CACNA1D: variants seen among roughly 807,000 people sequenced by gnomAD.
The protein encoded by CACNA1D is voltage-dependent L-type calcium channel subunit alpha-1D.
Under a neutral mutation model 257.1 loss-of-function variants are expected in CACNA1D, and 55 were observed. That is an observed-to-expected ratio of 0.21 (90% CI 0.17 to 0.27). The LOEUF (loss-of-function observed/expected upper bound fraction) is 0.27. CACNA1D is among the 10% of genes least tolerant of loss of function. CACNA1D has a pLI of 1.00. For synonymous variants in CACNA1D, 980 were observed against 1,014.9 expected, an observed-to-expected ratio of 0.97 and a Z score of 0.65; for missense variants, 1,876 against 2,784.0, an observed-to-expected ratio of 0.67 and a Z score of 7.34.
chr3:53,769,706 G>A (rs1157341159), intron 30 of CACNA1D, among the ~76,000 whole-genome samples: 2 of 152,220 alleles, frequency 1.3e-5, no homozygotes, highest in African/African-American at 4.8e-5. Flanking sequence ...AGGTCTTGCA[G>A]CACTGCCTTT....
At position 53,729,505 on chromosome 3, in the gene CACNA1D, C is replaced by T. The variant is rs1002676048; in HGVS notation, c.2222-937C>T. Among the ~76,000 whole-genome samples, 6 of 152,298 alleles carry T rather than the reference C, an allele frequency of 3.9e-5. No homozygotes were observed. In the East Asian group the frequency reaches 1.2e-3, roughly 29 times the overall value. On this transcript the variant is annotated intron_variant, in intron 15 of 47. Transcript: ENST00000350061. ...AGCATTTGTCACAGAAGGGGGCCTT[C>T]TCACTTATTGCCCTCTCATCCCTGT...
chr3:53,622,717 G>A (rs2093710326), intron 3 of CACNA1D, among the ~76,000 whole-genome samples: 1 of 152,028 alleles, frequency 6.6e-6, no homozygotes, highest in Admixed American at 6.6e-5. Flanking sequence ...AAGTTTACCT[G>A]TAACAAATCT....
intron 8 of CACNA1D, among the ~76,000 whole-genome samples, chr3:53,688,770 C>T (rs1334875585): frequency 2.6e-5 from 4 of 152,164 alleles, no homozygotes; most frequent in African/African-American, 9.7e-5. Context: ...ACAGTGAACC[C>T]ATCATTCCTT....
At chr3:53,795,516 G>T (rs1461492159) in intron 40 of CACNA1D, among the ~76,000 whole-genome samples, 1 of 152,182 alleles carries the variant, frequency 6.6e-6, no homozygotes, top group African/African-American at 2.4e-5. Flanking sequence ...ACTCATTTGG[G>T]CACATAATTT....
intron 9 of CACNA1D, chr3:53,710,291 G>A (rs1576424238): frequency 1.2e-5 from 5 of 425,378 alleles, no homozygotes; most frequent in South Asian, 5.0e-5. Flanking sequence ...CGTCCATTGC[G>A]TGAGGCAACC....
At position 53,745,746 on chromosome 3, in the gene CACNA1D, T is replaced by A. The variant is rs2095162175; in HGVS notation, c.3114+15T>A. 1 of 1,603,782 alleles carries A rather than the reference T, an allele frequency of 6.2e-7. No homozygotes were observed. Among genetic ancestry groups the A allele is most frequent in the African/African-American group, 1.3e-5 (1 of 74,714 alleles). On this transcript the variant is annotated intron_variant, in intron 24 of 47. Transcript: ENST00000350061. ...AGTTGTTCAAGGTAGAGGAACTGCC[T>A]CCAAGCATAAAACTCAGGTGGATTT...
chr3:53,722,551 T>C lies in CACNA1D; in HGVS notation c.1666+77T>C, dbSNP rs941230806. The C allele has an allele frequency of 4.4e-5, 61 of 1,391,730 alleles. No individual in the cohort carries two copies. In the African/African-American group the frequency reaches 8.1e-4, roughly 18 times the overall value. 86.2% of individuals were successfully genotyped at this position (1,391,730 alleles called of 1,614,324 possible). ...TGTCCAACTGCCATTTGGTCTTATC[T>C]GATCGCTGCATGATGAAGTATCGCA... On this transcript the variant is annotated intron_variant, in intron 12 of 47. Transcript: ENST00000350061.
Position 53,811,235 on chromosome 3 carries a change from C to T in CACNA1D, c.6315C>T (p.Thr2105=), listed in dbSNP as rs780883591. 2 of 1,614,068 alleles carry T rather than the reference C, an allele frequency of 1.2e-6. No homozygotes were observed. Among genetic ancestry groups the T allele is most frequent in the Admixed American group, 1.7e-5 (1 of 60,016 alleles). Residue 2105 remains threonine (T), a synonymous_variant, in exon 48 of 48, where the codon ACC becomes ACT. Transcript: ENST00000350061. This position sits in a 1 kb window ranked among gnomAD's most constrained non-coding sequence, Gnocchi z 4.2. ...TIDEMESAAS[T]LLNGNVRPRA... ...ACGAGATGGAGAGTGCAGCCAGCACCCTGCTTAATGGGAACGTGCGTCCCC... is the reference window on the plus strand; with the variant it reads ...ACGAGATGGAGAGTGCAGCCAGCACTCTGCTTAATGGGAACGTGCGTCCCC...
chr3:53,588,873 G>A (rs1016394836), intron 3 of CACNA1D, among the ~76,000 whole-genome samples: 3 of 152,138 alleles, frequency 2.0e-5, no homozygotes, highest in African/African-American at 7.2e-5. Flanking sequence ...AAAAGTAACT[G>A]TCTTCTCAAG....
rs2090315059 is a variant in CACNA1D at position 53,495,737 on chromosome 3, G to T, written c.67+504G>T. On this transcript the variant is annotated intron_variant, in intron 1 of 47. Coordinates refer to ENST00000350061, the MANE Select transcript of CACNA1D (RefSeq NM_001128840.3). This position sits in a 1 kb window ranked among gnomAD's most constrained non-coding sequence, Gnocchi z 5.1. ...GTGAAGCACACCCATCCCCTCGCGGGGGAGGCCCGGCCTCGGTATCGGGGA... is the reference window on the plus strand; with the variant it reads ...GTGAAGCACACCCATCCCCTCGCGGTGGAGGCCCGGCCTCGGTATCGGGGA... Among the ~76,000 whole-genome samples, 1 of 152,252 alleles carries T rather than the reference G, an allele frequency of 6.6e-6. No individual in the cohort carries two copies. Among genetic ancestry groups the T allele is most frequent in the Admixed American group, 6.5e-5 (1 of 15,294 alleles).
intron 9 of CACNA1D, among the ~76,000 whole-genome samples, chr3:53,703,970 C>T (rs1325639475): frequency 6.6e-6 from 1 of 152,166 alleles, no homozygotes; most frequent in Non-Finnish European, 1.5e-5. Context: ...GGATGGATTG[C>T]AGGTGTGACC....
chr3:53,805,471 G>A (rs2095557678), intron 45 of CACNA1D, among the ~76,000 whole-genome samples: 1 of 152,190 alleles, frequency 6.6e-6, no homozygotes, highest in Non-Finnish European at 1.5e-5. Flanking sequence ...CATCCTGAGA[G>A]GGAGGCAAAC....
intron 3 of CACNA1D, among the ~76,000 whole-genome samples, chr3:53,547,573 G>C (rs1013586044): frequency 5.3e-5 from 8 of 152,096 alleles, no homozygotes; most frequent in African/African-American, 1.9e-4. Context: ...CTGTATTTGA[G>C]GCTTTGTGTA....
chr3:53,807,342 T>C (rs1197149205), intron 45 of CACNA1D, among the ~76,000 whole-genome samples: 2 of 152,332 alleles, frequency 1.3e-5, no homozygotes, highest in South Asian at 4.1e-4. Flanking sequence ...TGTAGGCAAC[T>C]GAACCAGGAG....
chr3:53,528,432 T>C (rs2091838010), intron 3 of CACNA1D, among the ~76,000 whole-genome samples: 4 of 152,240 alleles, frequency 2.6e-5, no homozygotes, highest in Admixed American at 2.0e-4. Context: ...ACTGATGCTT[T>C]GTTTTAAGTC....
chr3:53,550,034 T>C (rs148004090), intron 3 of CACNA1D, among the ~76,000 whole-genome samples: 67 of 152,288 alleles, frequency 4.4e-4, no homozygotes, highest in African/African-American at 1.6e-3. Flanking sequence ...GCTGAGCTGC[T>C]GGGAGGAAGA....
chr3:53,535,519 A>G (rs1362594823), intron 3 of CACNA1D, among the ~76,000 whole-genome samples: 2 of 152,220 alleles, frequency 1.3e-5, no homozygotes, highest in Non-Finnish European at 2.9e-5. Context: ...CCTCCCATGT[A>G]GAAAAGAGTT....
At chr3:53,578,025 T>TA (rs1041290013) in intron 3 of CACNA1D, among the ~76,000 whole-genome samples, 3 of 152,148 alleles carry the variant, frequency 2.0e-5, no homozygotes, top group African/African-American at 7.2e-5. Context: ...AGTCAAAAAT[T>TA]ACGTATGGAG....
intron 3 of CACNA1D, among the ~76,000 whole-genome samples, chr3:53,552,066 G>C (rs1021313817): frequency 6.6e-6 from 1 of 152,166 alleles, no homozygotes; most frequent in Admixed American, 6.5e-5. Flanking sequence ...CTTCCCTCTG[G>C]GGGTGGATCC....
Sources: allele counts gnomAD v4.1 joint callset (sites outside exome capture counted in the v4.1 genomes callset), GRCh38; gene constraint gnomAD v4.1.1; non-coding constraint Gnocchi (gnomAD v3.1); transcripts MANE v1.5; gene names NCBI Gene and HGNC (gene_info 2026-07-23, HGNC 2026-07-21).